The following ADAM2 variants were observed in gnomAD, a reference collection of about 807,000 sequenced individuals.
ADAM2 encodes the protein ADAM metallopeptidase domain 2.
In ADAM2, 101 loss-of-function variants were observed where a neutral mutation model predicts 99.3. The observed-to-expected ratio is 1.02, with a 90% CI of 0.87 to 1.20. The LOEUF (loss-of-function observed/expected upper bound fraction) is 1.20. ADAM2 is among the 50% of genes most tolerant of loss of function. The pLI, the probability that ADAM2 is intolerant of heterozygous loss-of-function variation, is 0.00. For synonymous variants in ADAM2, 323 were observed against 287.6 expected, an observed-to-expected ratio of 1.12 and a Z score of -1.25; for missense variants, 948 against 878.7, an observed-to-expected ratio of 1.08 and a Z score of -1.00.
At chr8:39,811,972 G>A (rs1355688471) in intron 6 of ADAM2, among the ~76,000 whole-genome samples, 1 of 152,188 alleles carries the variant, frequency 6.6e-6, no homozygotes, top group Non-Finnish European at 1.5e-5. Context: ...CAATTAGGAA[G>A]AGGGGAAGTT....
At chr8:39,827,396 G>T (rs1181768306) in intron 3 of ADAM2, among the ~76,000 whole-genome samples, 5 of 152,022 alleles carry the variant, frequency 3.3e-5, no homozygotes, top group Admixed American at 2.0e-4. Context: ...TATATCCAAA[G>T]CAAATAAAAT....
intron 20 of ADAM2, 121 bp from the exon 21 acceptor site, chr8:39,744,185 C>A (rs1823351778): frequency 6.6e-6 from 1 of 151,770 alleles, no homozygotes; most frequent in South Asian, 2.1e-4. Context: ...TATTTTTAGC[C>A]AACATTTTAA....
intron 14 of ADAM2, among the ~76,000 whole-genome samples, chr8:39,764,753 C>T (rs916547551): frequency 2.6e-5 from 4 of 152,084 alleles, no homozygotes; most frequent in South Asian, 4.1e-4. Flanking sequence ...GTGGCTCAAG[C>T]GAGTAATCCC....
chr8:39,797,964 A>G (rs1804039395), intron 7 of ADAM2, among the ~76,000 whole-genome samples: 1 of 152,230 alleles, frequency 6.6e-6, no homozygotes, highest in African/African-American at 2.4e-5. Context: ...GGTTTTCTAA[A>G]TATAAAATTA....
chr8:39,834,110 A>C, intron 2 of ADAM2, 111 bp from the exon 3 acceptor site: 1 of 578,320 alleles, frequency 1.7e-6, no homozygotes. Flanking sequence ...TCATTTAATA[A>C]AAGGAGAAAA....
chr8:39,749,327 G>A lies in ADAM2; in HGVS notation c.1999C>T (p.Pro667Ser). 6.2e-7 allele frequency: 1 copy of A among 1,611,928 alleles called. No homozygotes were observed. Among genetic ancestry groups the A allele is most frequent in the Non-Finnish European group, 8.5e-7 (1 of 1,178,702 alleles). ...TAATACTTACCAGGGAGTCTGGCTGGTATAGCTACAGGTGGAAAATTGCCA... is the reference window on the plus strand; with the variant it reads ...TAATACTTACCAGGGAGTCTGGCTGATATAGCTACAGGTGGAAAATTGCCA... ...DSGNFPPVAI[P>S]ARLPERRYIE... The change falls in exon 18 of 21, where the codon CCA (proline) becomes TCA (serine). Residue 667 changes from proline (P) to serine (S), a missense_variant. Pro to Ser is a moderately conservative substitution (Grantham distance 74). Coordinates refer to ENST00000265708, the MANE Select transcript of ADAM2 (RefSeq NM_001464.5).
intron 6 of ADAM2, among the ~76,000 whole-genome samples, chr8:39,820,551 T>A (rs1179089301): frequency 6.6e-6 from 1 of 152,146 alleles, no homozygotes; most frequent in Non-Finnish European, 1.5e-5. Context: ...TCTCTCTCAC[T>A]TTCTGAGGAT....
chr8:39,786,127 A>T (rs531933556), intron 10 of ADAM2, among the ~76,000 whole-genome samples: 1 of 152,128 alleles, frequency 6.6e-6, no homozygotes, highest in African/African-American at 2.4e-5. Flanking sequence ...AGACATTAAG[A>T]TGGTAACACT....
At chr8:39,805,944 G>A (rs368374970) in intron 7 of ADAM2, among the ~76,000 whole-genome samples, 24 of 152,236 alleles carry the variant, frequency 1.6e-4, no homozygotes, top group East Asian at 7.7e-4. Context: ...ATATAGTCAT[G>A]GTAGTCAGGA....
chr8:39,751,987 C>T (rs973866612), intron 16 of ADAM2, among the ~76,000 whole-genome samples: 7 of 152,144 alleles, frequency 4.6e-5, no homozygotes, highest in African/African-American at 1.4e-4. Context: ...CTTGTGCCAC[C>T]ACGCCCACTT....
chr8:39,803,838 G>T (rs1006622741), intron 7 of ADAM2, among the ~76,000 whole-genome samples: 10 of 152,142 alleles, frequency 6.6e-5, no homozygotes, highest in Non-Finnish European at 7.4e-5. Context: ...AGAGAAGGAC[G>T]ATTATCTTTG....
At chr8:39,831,615 A>G (rs975135118) in intron 3 of ADAM2, among the ~76,000 whole-genome samples, 8 of 152,188 alleles carry the variant, frequency 5.3e-5, no homozygotes, top group Non-Finnish European at 2.9e-5. Context: ...AAAAGCCATA[A>G]AAGATTTACA....
chr8:39,757,029 T>G (rs1295597708), intron 15 of ADAM2, among the ~76,000 whole-genome samples: 1 of 152,208 alleles, frequency 6.6e-6, no homozygotes, highest in East Asian at 1.9e-4. Flanking sequence ...TCTTCCCTCT[T>G]CATATATAAG....
At chr8:39,767,612 G>T (rs1802622420) in intron 12 of ADAM2, among the ~76,000 whole-genome samples, 1 of 152,004 alleles carries the variant, frequency 6.6e-6, no homozygotes, top group Admixed American at 6.6e-5. Context: ...AAATTATATT[G>T]CAGTGACTAC....
At chr8:39,778,498 A>G (rs943910710) in intron 10 of ADAM2, among the ~76,000 whole-genome samples, 2 of 151,888 alleles carry the variant, frequency 1.3e-5, no homozygotes, top group South Asian at 4.2e-4. Flanking sequence ...TGATAAAATG[A>G]CTCTCTTCCC....
chr8:39,816,291 A>G (rs940256661), intron 6 of ADAM2, among the ~76,000 whole-genome samples: 3 of 152,008 alleles, frequency 2.0e-5, no homozygotes, highest in African/African-American at 7.3e-5. Flanking sequence ...GAGTGAAACT[A>G]CATCTCAAAA....
At chr8:39,798,857 G>T (rs1164852393) in intron 7 of ADAM2, among the ~76,000 whole-genome samples, 1 of 152,066 alleles carries the variant, frequency 6.6e-6, no homozygotes, top group African/African-American at 2.4e-5. Context: ...TCTGATGGTA[G>T]CTTGTATTTC....
At chr8:39,829,904 G>C (rs1259031676) in intron 3 of ADAM2, among the ~76,000 whole-genome samples, 1 of 151,864 alleles carries the variant, frequency 6.6e-6, no homozygotes, top group Non-Finnish European at 1.5e-5. Flanking sequence ...TTTAGAGTTA[G>C]AAAACAGACA....
chr8:39,788,819 C>T, intron 7 of ADAM2, 79 bp from the exon 8 acceptor site: 2 of 755,538 alleles, frequency 2.6e-6, no homozygotes, highest in Non-Finnish European at 3.9e-6. Flanking sequence ...ATTTAAAATT[C>T]AATTTGGTGA....
Sources: allele counts gnomAD v4.1 joint callset (sites outside exome capture counted in the v4.1 genomes callset), GRCh38; gene constraint gnomAD v4.1.1; transcripts MANE v1.5; gene names NCBI Gene and HGNC (gene_info 2026-07-23, HGNC 2026-07-21).